Variants in CCDC192 observed in about 807,000 individuals in gnomAD.
The protein encoded by CCDC192 is coiled-coil domain containing 192.
At chr5:127,912,408 C>G (rs1166844657) in intron 6 of CCDC192, among the ~76,000 whole-genome samples, 3 of 52,876 alleles carry the variant, frequency 5.7e-5, no homozygotes, top group African/African-American at 9.3e-5. Flanking sequence ...AGAATAGATT[C>G]CTGGGTTTAG....
intron 6 of CCDC192, among the ~76,000 whole-genome samples, chr5:127,939,002 G>C (rs536243211): frequency 6.6e-6 from 1 of 152,184 alleles, no homozygotes; most frequent in Non-Finnish European, 1.5e-5. Context: ...CTCTCTCCTG[G>C]GCTGGAAAGC....
intron 5 of CCDC192, among the ~76,000 whole-genome samples, chr5:127,846,275 C>T (rs185134519): frequency 1.6e-5 from 2 of 128,906 alleles, no homozygotes; most frequent in African/African-American, 6.1e-5. Flanking sequence ...GGCGACAGAG[C>T]AAGACTCGGT....
intron 6 of CCDC192, among the ~76,000 whole-genome samples, chr5:127,931,480 T>C (rs1464474914): frequency 6.6e-6 from 1 of 152,152 alleles, no homozygotes; most frequent in Non-Finnish European, 1.5e-5. Context: ...GCCAGCACAA[T>C]AGATGTGCTC....
chr5:127,771,324 C>A (rs75847899), intron 3 of CCDC192, among the ~76,000 whole-genome samples: 4,977 of 152,300 alleles, frequency 0.033, 109 homozygotes, highest in East Asian at 0.056. Context: ...GTACCTATTT[C>A]TGACTCCTTA....
chr5:127,851,439 GT>G (rs1222403499), intron 5 of CCDC192, among the ~76,000 whole-genome samples: 21 of 151,758 alleles, frequency 1.4e-4, no homozygotes, highest in Non-Finnish European at 5.9e-5. Context: ...TGTCTTTCTT[GT>G]TTTTTTGGTT....
intron 2 of CCDC192, among the ~76,000 whole-genome samples, chr5:127,745,236 C>G (rs1228436579): frequency 3.9e-5 from 6 of 152,154 alleles, no homozygotes; most frequent in Non-Finnish European, 8.8e-5. Flanking sequence ...AGAGTTTGTA[C>G]AGCTGTCATT....
At chr5:127,865,123 G>A (rs969591335) in intron 5 of CCDC192, among the ~76,000 whole-genome samples, 2 of 152,034 alleles carry the variant, frequency 1.3e-5, no homozygotes, top group Admixed American at 6.6e-5. Flanking sequence ...CTCCAGCCTG[G>A]GCGACAGAGC....
chr5:127,737,163 A>T (rs1483854902), intron 2 of CCDC192, among the ~76,000 whole-genome samples: 1 of 151,660 alleles, frequency 6.6e-6, no homozygotes, highest in African/African-American at 2.4e-5. Context: ...GAACATCTTC[A>T]TTTCTGCCTT....
rs56377425 is a variant in CCDC192 at position 127,826,573 on chromosome 5, C to T, written c.411+28411C>T. 1.7e-3 allele frequency among the ~76,000 whole-genome samples: 254 copies of T among 149,984 alleles called. 2 individuals are homozygous for T. The highest frequency in any genetic ancestry group is 5.9e-3 in the African/African-American group (239 of 40,750). ...AGAAAATGTGCTGGAGGCCATTATC[C>T]TAAGTGAATTAATGCAGGAATAGAA... On this transcript the variant is annotated intron_variant, in intron 5 of 6. Coordinates refer to ENST00000514853, the MANE Select transcript of CCDC192 (RefSeq NM_001317938.2).
chr5:127,795,032 C>A (rs1757079445), intron 3 of CCDC192, among the ~76,000 whole-genome samples: 1 of 152,090 alleles, frequency 6.6e-6, no homozygotes, highest in African/African-American at 2.4e-5. Context: ...GTGGCTTACA[C>A]CTGTAACCCC....
chr5:127,877,188 A>AT (rs1283696070), intron 6 of CCDC192, among the ~76,000 whole-genome samples: 1 of 152,074 alleles, frequency 6.6e-6, no homozygotes, highest in African/African-American at 2.4e-5. Context: ...TATTAGTTTC[A>AT]TTTTTTTCAA....
chr5:127,904,718 T>TCTCGAACTCCTGAC (rs1753150554), intron 6 of CCDC192, among the ~76,000 whole-genome samples: 1 of 152,086 alleles, frequency 6.6e-6, no homozygotes, highest in Admixed American at 6.5e-5. Flanking sequence ...GCCAGGCTGA[T>TCTCGAACTCCTGAC]CTCGAACTCC....
At chr5:127,922,796 A>G (rs1486919406) in intron 6 of CCDC192, among the ~76,000 whole-genome samples, 3 of 152,242 alleles carry the variant, frequency 2.0e-5, no homozygotes, top group African/African-American at 7.2e-5. Context: ...CATCAATTGC[A>G]TAGCTCACTC....
At chr5:127,909,710 G>C (rs1251130423) in intron 6 of CCDC192, among the ~76,000 whole-genome samples, 1 of 151,932 alleles carries the variant, frequency 6.6e-6, no homozygotes, top group Admixed American at 6.6e-5. Flanking sequence ...TTATTTTTAA[G>C]CTTTAGTTAT....
intron 5 of CCDC192, among the ~76,000 whole-genome samples, chr5:127,840,986 C>T (rs531735632): frequency 2.1e-4 from 32 of 152,316 alleles, no homozygotes; most frequent in African/African-American, 7.2e-4. Context: ...AACCAGAACC[C>T]TGACCTTTGA....
At chr5:127,751,139 G>C (rs1754138290) in intron 2 of CCDC192, among the ~76,000 whole-genome samples, 1 of 148,234 alleles carries the variant, frequency 6.7e-6, no homozygotes, top group South Asian at 2.2e-4. Flanking sequence ...TGTTATGTGT[G>C]AATTTGATCC....
intron 6 of CCDC192, among the ~76,000 whole-genome samples, chr5:127,902,108 TA>T (rs1437570750): frequency 6.6e-6 from 1 of 151,860 alleles, no homozygotes; most frequent in Non-Finnish European, 1.5e-5. Flanking sequence ...CTGTCTCTAC[TA>T]AAAAATACAA....
intron 5 of CCDC192, among the ~76,000 whole-genome samples, chr5:127,825,038 C>T (rs986950157): frequency 1.3e-5 from 2 of 152,170 alleles, no homozygotes; most frequent in Admixed American, 6.5e-5. Context: ...CGCTGTCAAA[C>T]ATTTTGACCA....
At chr5:127,804,753 T>A (rs527976115) in intron 5 of CCDC192, among the ~76,000 whole-genome samples, 98 of 152,310 alleles carry the variant, frequency 6.4e-4, no homozygotes, top group African/African-American at 2.3e-3. Context: ...CATCTCATTC[T>A]GCTAAAGTCT....
Sources: gnomAD v4.1 joint callset for allele counts (sites outside exome capture counted in the v4.1 genomes callset) on GRCh38, gnomAD v4.1.1 for gene constraint, MANE v1.5 for transcripts, NCBI Gene and HGNC (gene_info 2026-07-23, HGNC 2026-07-21) for gene names.